Variants in ZPLD1 observed in about 807,000 individuals in gnomAD.
ZPLD1 encodes the protein zona pellucida-like domain-containing protein 1.
ZPLD1 carries 34 observed loss-of-function variants against 47.2 expected under a neutral mutation model. That is an observed-to-expected ratio of 0.72 (90% CI 0.55 to 0.96). ZPLD1 has a LOEUF of 0.96. ZPLD1 is among the 40% of genes least tolerant of loss of function. ZPLD1 has a pLI of 0.00. For missense variants in ZPLD1, 512 were observed against 505.8 expected, an observed-to-expected ratio of 1.01 and a Z score of -0.12; for synonymous variants, 176 against 186.2, an observed-to-expected ratio of 0.95 and a Z score of 0.45.
upstream of ZPLD1, among the ~76,000 whole-genome samples, chr3:102,432,691 T>C (rs1182918470): frequency 6.6e-6 from 1 of 152,138 alleles, no homozygotes; most frequent in East Asian, 1.9e-4. Context: ...GCCACCTTTA[T>C]TCATCTGAAA....
At chr3:102,427,111 G>T (rs1365044182) in intron 8 of ZPLD1, among the ~76,000 whole-genome samples, 1 of 152,114 alleles carries the variant, frequency 6.6e-6, no homozygotes, top group Non-Finnish European at 1.5e-5. Flanking sequence ...GGGTGAAAAT[G>T]TGTTTTGGAC....
intron 6 of ZPLD1, among the ~76,000 whole-genome samples, chr3:102,389,337 TCTAAAATGAA>T (rs1215811503): frequency 1.3e-5 from 2 of 152,182 alleles, no homozygotes; most frequent in African/African-American, 2.4e-5. Flanking sequence ...AGTGCTAAAC[TCTAAAATGAA>T]TTCATTACTT....
chr3:102,386,692 G>T (rs1706428528), intron 6 of ZPLD1, among the ~76,000 whole-genome samples: 1 of 152,050 alleles, frequency 6.6e-6, no homozygotes, highest in Non-Finnish European at 1.5e-5. Flanking sequence ...AAGACAAATT[G>T]AAATCATAAT....
chr3:102,432,274 G>A (rs780762856), upstream of ZPLD1, among the ~76,000 whole-genome samples: 13 of 152,238 alleles, frequency 8.5e-5, no homozygotes, highest in Non-Finnish European at 1.8e-4. Context: ...AGGAATGGCA[G>A]CCTGTGGAGA....
chr3:102,390,055 C>A (rs145926673), intron 6 of ZPLD1, among the ~76,000 whole-genome samples: 464 of 152,072 alleles, frequency 3.1e-3, no homozygotes, highest in African/African-American at 0.01. Flanking sequence ...TGTGTTACAC[C>A]CTCCTTATGA....
chr3:102,419,899 T>C (rs1706856301), intron 8 of ZPLD1, among the ~76,000 whole-genome samples: 1 of 151,768 alleles, frequency 6.6e-6, no homozygotes, highest in African/African-American at 2.4e-5. Flanking sequence ...TTTACCAAAT[T>C]TGTCCTTTTT....
At chr3:102,391,221 A>G (rs936556017) in intron 6 of ZPLD1, among the ~76,000 whole-genome samples, 3 of 152,212 alleles carry the variant, frequency 2.0e-5, no homozygotes, top group African/African-American at 7.2e-5. Context: ...AAGTATTTAA[A>G]AAGATTCTCT....
chr3:102,435,737 G>T (rs143151786), intron 1 of ZPLD1, among the ~76,000 whole-genome samples: 30 of 151,484 alleles, frequency 2.0e-4, no homozygotes, highest in African/African-American at 7.0e-4. Context: ...CCGCCTCCTG[G>T]GTTCACCCCA....
At chr3:102,459,444 A>G (rs1333147131) in intron 6 of ZPLD1, among the ~76,000 whole-genome samples, 1 of 152,176 alleles carries the variant, frequency 6.6e-6, no homozygotes, top group Non-Finnish European at 1.5e-5. Context: ...ATAGCAGAAA[A>G]TCAAAATTTT....
intron 3 of ZPLD1, among the ~76,000 whole-genome samples, chr3:102,451,294 T>G (rs1707333430): frequency 6.6e-6 from 1 of 152,334 alleles, no homozygotes; most frequent in South Asian, 2.1e-4. Flanking sequence ...GCTAAAAAAC[T>G]TGAATGAAAT....
intron 10 of ZPLD1, among the ~76,000 whole-genome samples, chr3:102,470,975 C>T (rs903781222): frequency 1.4e-4 from 21 of 152,184 alleles, no homozygotes; most frequent in African/African-American, 4.8e-4. Flanking sequence ...GATGGGGTTT[C>T]ACCATGTTGC....
chr3:102,391,928 C>T (rs1366241404), intron 6 of ZPLD1, among the ~76,000 whole-genome samples: 3 of 152,120 alleles, frequency 2.0e-5, no homozygotes, highest in Admixed American at 6.5e-5. Context: ...CCTGCTTTTT[C>T]GAGCTCATAG....
intron 7 of ZPLD1, among the ~76,000 whole-genome samples, chr3:102,394,198 G>A (rs1706532485): frequency 6.6e-6 from 1 of 152,090 alleles, no homozygotes; most frequent in Non-Finnish European, 1.5e-5. Context: ...AGGTAGAAAA[G>A]ACCTGCTAGG....
At chr3:102,415,623 G>T (rs1345924620) in intron 7 of ZPLD1, among the ~76,000 whole-genome samples, 1 of 151,776 alleles carries the variant, frequency 6.6e-6, no homozygotes, top group Non-Finnish European at 1.5e-5. Flanking sequence ...AATGTAATCT[G>T]CTTTTCCCAT....
At chr3:102,472,510 T>G (rs1248996180) in intron 10 of ZPLD1, among the ~76,000 whole-genome samples, 1 of 149,270 alleles carries the variant, frequency 6.7e-6, no homozygotes, top group Non-Finnish European at 1.5e-5. Flanking sequence ...CCAGCCTGGC[T>G]GACAGAGTGA....
At chr3:102,476,253 CA>C (rs1488739119) in intron 10 of ZPLD1, among the ~76,000 whole-genome samples, 2 of 152,018 alleles carry the variant, frequency 1.3e-5, no homozygotes, top group Non-Finnish European at 2.9e-5. Context: ...TATTAAAACA[CA>C]AATATGAAAT....
At chr3:102,423,283 G>T (rs2107308091) in intron 8 of ZPLD1, among the ~76,000 whole-genome samples, 1 of 152,102 alleles carries the variant, frequency 6.6e-6, no homozygotes, top group South Asian at 2.1e-4. Flanking sequence ...TGAGGAAAAA[G>T]AAAATATGCT....
At chr3:102,462,595 A>G (rs1707525964) in intron 7 of ZPLD1, among the ~76,000 whole-genome samples, 1 of 152,044 alleles carries the variant, frequency 6.6e-6, no homozygotes, top group Non-Finnish European at 1.5e-5. Context: ...GTCTTCCCAT[A>G]AAGAAGGGGG....
rs534712898 is a variant in ZPLD1, at chr3:102,438,613, A to G, written c.106+20A>G. The G allele has an allele frequency of 1.7e-5, 27 of 1,562,302 alleles. 1 individual carries two copies. In the South Asian group the frequency reaches 2.6e-4, roughly 15 times the overall value. The stretch of plus-strand genomic sequence containing the variant: ...TTCCTGGTAAGTGTAAGCCTAATCT[A>G]TTCTCTAGTTGTTTCTGGAAGAGTG... On this transcript the variant is annotated intron_variant, in intron 3 of 11. Transcript: ENST00000466937.
Sources: gnomAD v4.1 joint callset for allele counts (sites outside exome capture counted in the v4.1 genomes callset) on GRCh38, gnomAD v4.1.1 for gene constraint, MANE v1.5 for transcripts, NCBI Gene and HGNC (gene_info 2026-07-23, HGNC 2026-07-21) for gene names.